Variants in FRMD4A observed in about 807,000 individuals in gnomAD.
The protein encoded by FRMD4A is FERM domain-containing protein 4A.
In FRMD4A, 29 loss-of-function variants were observed where a neutral mutation model predicts 129.1. That is an observed-to-expected ratio of 0.22 (90% CI 0.17 to 0.31). The LOEUF (loss-of-function observed/expected upper bound fraction) is 0.31, where lower values mean the gene tolerates loss of function less well. Ranked by LOEUF, FRMD4A falls within the 10% of genes least tolerant of loss-of-function variation. The pLI is 1.00. For synonymous variants in FRMD4A, 634 were observed against 571.6 expected (o/e 1.11, Z -1.56); for missense variants, 1,272 against 1,375.8 (o/e 0.92, Z 1.19).
chr10:13,663,571 G>A (rs1040110378), intron 18 of FRMD4A, 62 bp from the exon 19 acceptor site: 7 of 850,994 alleles, frequency 8.2e-6, no homozygotes, highest in South Asian at 8.0e-5. Context: ...AGCCCTATCT[G>A]TAAAAATAGC....
chr10:14,134,070 T>A (rs1029081927), intron 2 of FRMD4A, among the ~76,000 whole-genome samples: 2 of 152,254 alleles, frequency 1.3e-5, no homozygotes, highest in Non-Finnish European at 2.9e-5. Flanking sequence ...GAGCCATATC[T>A]GTGATTTACC....
intron 5 of FRMD4A, among the ~76,000 whole-genome samples, chr10:13,790,709 T>C (rs2092980810): frequency 6.6e-6 from 1 of 151,456 alleles, no homozygotes; most frequent in African/African-American, 2.4e-5. Context: ...GGGGGTACGA[T>C]GGCACCAGAA....
intron 2 of FRMD4A, among the ~76,000 whole-genome samples, chr10:14,255,658 C>A (rs1844584780): frequency 6.6e-6 from 1 of 152,068 alleles, no homozygotes; most frequent in South Asian, 2.1e-4. Context: ...AGAGATTAGT[C>A]CAGCCACCAG....
chr10:14,218,141 T>C (rs1319113331), intron 2 of FRMD4A, among the ~76,000 whole-genome samples: 1 of 152,222 alleles, frequency 6.6e-6, no homozygotes, highest in South Asian at 2.1e-4. Context: ...ATTTCTACTC[T>C]GCTTTTTTTG....
Position 14,330,697 on chromosome 10 carries a change from C to A in FRMD4A, c.-182G>T. On this transcript the variant is annotated 5_prime_UTR_variant, in exon 1 of 25. Transcript: ENST00000357447. ...GAGACAGCCGAGTCTGACCATGAGG[C>A]ACCAGGCAGTCACTGGAGATCAGCA... 2.5e-6 allele frequency: 1 copy of A among 398,760 alleles called. No individual in the cohort carries two copies. The highest frequency in any genetic ancestry group is 4.4e-6 in the Non-Finnish European group (1 of 226,318). The allele number at this position is 398,760 out of a possible 1,614,324, so 24.7% of individuals were successfully genotyped here. A position where few individuals can be genotyped will look rare whatever the true frequency, so the allele number is the denominator to read the frequency against.
At chr10:14,196,594 A>T (rs1357855868) in intron 2 of FRMD4A, among the ~76,000 whole-genome samples, 1 of 152,256 alleles carries the variant, frequency 6.6e-6, no homozygotes. Context: ...TACTTTCTAC[A>T]TAATTCCTAG....
At chr10:13,854,615 A>C (rs992625510) in intron 3 of FRMD4A, among the ~76,000 whole-genome samples, 6 of 140,418 alleles carry the variant, frequency 4.3e-5, no homozygotes, top group Admixed American at 2.2e-4. Flanking sequence ...TATTTTTAGT[A>C]GAGGCAGGGT....
At chr10:13,795,333 G>A (rs2093091470) in intron 5 of FRMD4A, among the ~76,000 whole-genome samples, 1 of 152,230 alleles carries the variant, frequency 6.6e-6, no homozygotes, top group East Asian at 1.9e-4. Context: ...TAGCTAAGAT[G>A]AGCTTGGATA....
intron 17 of FRMD4A, among the ~76,000 whole-genome samples, chr10:13,669,525 G>T (rs2134708439): frequency 6.6e-6 from 1 of 152,236 alleles, no homozygotes; most frequent in African/African-American, 2.4e-5. Flanking sequence ...ACCTACCCCA[G>T]GTGTCCGTTT....
At chr10:14,177,595 C>G (rs935114772) in intron 2 of FRMD4A, among the ~76,000 whole-genome samples, 1 of 152,154 alleles carries the variant, frequency 6.6e-6, no homozygotes. Context: ...CTCAATCTCC[C>G]TAAAGGTTTG....
intron 13 of FRMD4A, among the ~76,000 whole-genome samples, chr10:13,706,349 G>A (rs1012271087): frequency 1.3e-5 from 2 of 152,172 alleles, no homozygotes; most frequent in Non-Finnish European, 2.9e-5. Context: ...GTGGGTATGA[G>A]CTGCCCAGAC....
intron 2 of FRMD4A, among the ~76,000 whole-genome samples, chr10:14,227,503 C>T (rs752737633): frequency 9.9e-5 from 15 of 152,070 alleles, no homozygotes; most frequent in Middle Eastern, 3.4e-3. Flanking sequence ...CCACCCACCT[C>T]GGCCTCCCAA....
chr10:14,101,934 A>G (rs1044573608), intron 2 of FRMD4A, among the ~76,000 whole-genome samples: 5 of 152,180 alleles, frequency 3.3e-5, no homozygotes, highest in Admixed American at 6.6e-5. Context: ...TTGGATGACC[A>G]TCATTACTCA....
chr10:13,979,696 CAT>C (rs34792895), intron 2 of FRMD4A, among the ~76,000 whole-genome samples: 48,674 of 151,996 alleles, frequency 0.32, 8,173 homozygotes, highest in East Asian at 0.6. Flanking sequence ...ATTCATTTCT[CAT>C]AGTCTCTTTG....
chr10:14,096,804 T>G (rs950629922), intron 2 of FRMD4A, among the ~76,000 whole-genome samples: 5 of 152,140 alleles, frequency 3.3e-5, no homozygotes, highest in African/African-American at 1.2e-4. Context: ...ACCTACATTA[T>G]GTTTAGCTGC....
intron 5 of FRMD4A, among the ~76,000 whole-genome samples, chr10:13,791,375 C>G (rs2092995631): frequency 6.8e-6 from 1 of 146,782 alleles, no homozygotes; most frequent in Non-Finnish European, 1.5e-5. Context: ...CCTGAACACA[C>G]TCAGAAGCTC....
chr10:13,665,100 G>A (rs9787567), intron 18 of FRMD4A, among the ~76,000 whole-genome samples: 11 of 151,740 alleles, frequency 7.2e-5, no homozygotes, highest in African/African-American at 1.7e-4. Flanking sequence ...TTGAACTCCC[G>A]ACCTCAGGTG....
At chr10:13,786,927 ATCCTGCC>A (rs1314554763) in intron 5 of FRMD4A, among the ~76,000 whole-genome samples, 1 of 152,230 alleles carries the variant, frequency 6.6e-6, no homozygotes, top group Non-Finnish European at 1.5e-5. Flanking sequence ...GAGTAAAGAC[ATCCTGCC>A]TCTTCCACCC....
In FRMD4A at chr10:13,837,361, C is replaced by T. The variant is rs372570838; in HGVS notation, c.111+21486G>A. ...GCCCAGCAAGGTTCAGGGGCCCTGA[C>T]ACTTGGATTCTGGAGTCCTGATTGG... is the stretch of plus-strand genomic sequence containing the variant. On this transcript the variant is annotated intron_variant, in intron 3 of 24. Transcript: ENST00000357447. Among the ~76,000 whole-genome samples the T allele has an allele frequency of 1.6e-4, 25 of 152,336 alleles. No homozygotes were observed. The East Asian group carries it at 4.6e-3, about 28-fold the overall frequency.
Sources: allele counts gnomAD v4.1 joint callset (sites outside exome capture counted in the v4.1 genomes callset), GRCh38; gene constraint gnomAD v4.1.1; transcripts MANE v1.5; gene names NCBI Gene and HGNC (gene_info 2026-07-23, HGNC 2026-07-21).